Variants in ATAD2B observed in about 807,000 individuals in gnomAD.
ATAD2B encodes ATPase family AAA domain-containing protein 2B.
A neutral mutation model predicts 167.6 loss-of-function variants in ATAD2B; 40 were observed. The ratio of observed to expected loss-of-function variants is 0.24; its 90% CI spans 0.19 to 0.31. The LOEUF is 0.31. Among genes scored for constraint, ATAD2B ranks in the 10% least tolerant of loss-of-function variants. The pLI is 1.00. For missense variants in ATAD2B, 1,242 were observed against 1,757.2 expected, an observed-to-expected ratio of 0.71 and a Z score of 5.24; for synonymous variants, 579 against 596.5, an observed-to-expected ratio of 0.97 and a Z score of 0.43.
chr2:23,781,981 T>G (rs1192684920), intron 22 of ATAD2B, among the ~76,000 whole-genome samples: 3 of 152,102 alleles, frequency 2.0e-5, no homozygotes, highest in African/African-American at 7.2e-5. Context: ...ACACAGCTAA[T>G]TTTTGTAATT....
At chr2:23,775,167 G>C (rs987951752) in intron 22 of ATAD2B, among the ~76,000 whole-genome samples, 2 of 151,532 alleles carry the variant, frequency 1.3e-5, no homozygotes, top group Admixed American at 1.3e-4. Flanking sequence ...CATGAACTTA[G>C]CATTTTAGTA....
At chr2:23,734,128 A>G in the ATAD2B span, among the ~76,000 whole-genome samples, 5,863 of 152,226 alleles carry the variant, frequency 0.039, 111 homozygotes, top group Admixed American at 0.046. Context: ...TCACATTGCT[A>G]TAAGAGAATT....
intron 15 of ATAD2B, among the ~76,000 whole-genome samples, chr2:23,824,048 A>T (rs569881657): frequency 6.6e-6 from 1 of 152,300 alleles, no homozygotes. Flanking sequence ...TCCCAGCCTC[A>T]AGTGGTTCTC....
the ATAD2B span, among the ~76,000 whole-genome samples, chr2:23,686,672 G>A: frequency 6.6e-6 from 1 of 152,126 alleles, no homozygotes; most frequent in Non-Finnish European, 1.5e-5. Context: ...ATGAGCAGTT[G>A]ACCATCTGGT....
chr2:23,679,237 T>A, the ATAD2B span, among the ~76,000 whole-genome samples: 1 of 152,136 alleles, frequency 6.6e-6, no homozygotes, highest in Non-Finnish European at 1.5e-5. Context: ...CAGCCACTTA[T>A]TTAGATTGTG....
chr2:23,756,445 T>C (rs1377824923), intron 25 of ATAD2B, among the ~76,000 whole-genome samples: 1 of 152,126 alleles, frequency 6.6e-6, no homozygotes, highest in South Asian at 2.1e-4. Context: ...AGCTGTGTTC[T>C]CCACTCCACA....
intron 13 of ATAD2B, among the ~76,000 whole-genome samples, chr2:23,853,307 G>A (rs548050307): frequency 3.9e-5 from 6 of 152,214 alleles, no homozygotes; most frequent in Non-Finnish European, 8.8e-5. Context: ...TGCAGATAAG[G>A]TATATGTATA....
Position 23,757,547 on chromosome 2 carries a change from T to G in ATAD2B, c.3949A>C (p.Lys1317Gln), listed in dbSNP as rs758682808. 3.8e-6 allele frequency: 6 copies of G among 1,597,758 alleles called. No homozygotes were observed. The highest frequency in any genetic ancestry group is 5.1e-6 in the Non-Finnish European group (6 of 1,175,182). Residue 1317 changes from lysine to glutamine, a missense_variant, in exon 25 of 28, where the codon AAA becomes CAA. Physicochemically the swap from Lys to Gln is moderately conservative, Grantham distance 53. Around this residue, in one of 9 missense-constraint regions of ATAD2B, gnomAD observed 282 missense variants for 346.8 expected, o/e 0.81. Coordinates refer to ENST00000238789, the MANE Select transcript of ATAD2B (RefSeq NM_017552.4). The stretch of plus-strand genomic sequence containing the variant: ...TGATTTTCAGTCGAAGTTTCTGGTT[T>G]TTCTTTTGACTGGTCCTCCAGAAGA... ...KILLEDQSKE[K>Q]PETSTENHGD...
At chr2:23,893,195 A>G (rs1365258750) in intron 2 of ATAD2B, among the ~76,000 whole-genome samples, 1 of 152,132 alleles carries the variant, frequency 6.6e-6, no homozygotes, top group South Asian at 2.1e-4. Context: ...TAACTCTAAA[A>G]TGGAAATTTA....
At chr2:23,688,528 C>T in the ATAD2B span, among the ~76,000 whole-genome samples, 9 of 152,184 alleles carry the variant, frequency 5.9e-5, no homozygotes, top group Non-Finnish European at 1.3e-4. Flanking sequence ...TGCAAACATT[C>T]TAGTAGTTGG....
chr2:23,703,005 G>A, the ATAD2B span, among the ~76,000 whole-genome samples: 1 of 152,238 alleles, frequency 6.6e-6, no homozygotes, highest in African/African-American at 2.4e-5. Context: ...GGGCTAGTTT[G>A]GACGAGACCC....
At chr2:23,817,763 A>C (rs894694767) in intron 17 of ATAD2B, among the ~76,000 whole-genome samples, 2 of 152,216 alleles carry the variant, frequency 1.3e-5, no homozygotes, top group African/African-American at 4.8e-5. Context: ...TAGCTGTCTC[A>C]TTATTTAATC....
rs1351566989 is a variant in ATAD2B, at chr2:23,819,740, C to T, written c.2267+7G>A. On this transcript the variant is annotated splice_region_variant and intron_variant, in intron 17 of 27. Coordinates refer to ENST00000238789, the MANE Select transcript of ATAD2B (RefSeq NM_017552.4). ...AAATACAAAGAAAGTTGATATAAAT[C>T]ACTCACATTGTAAAATGAAGGTAGG... 6 of 1,584,524 alleles carry T rather than the reference C, an allele frequency of 3.8e-6. No individual in the cohort carries two copies. Among genetic ancestry groups the T allele is most frequent in the Non-Finnish European group, 4.3e-6 (5 of 1,164,136 alleles).
intron 23 of ATAD2B, among the ~76,000 whole-genome samples, chr2:23,763,226 T>C (rs968599316): frequency 6.6e-6 from 1 of 152,220 alleles, no homozygotes; most frequent in African/African-American, 2.4e-5. Context: ...TTATTCTTCC[T>C]TCACTTCACA....
At chr2:23,882,191 T>C (rs1397012595) in intron 6 of ATAD2B, among the ~76,000 whole-genome samples, 3 of 151,740 alleles carry the variant, frequency 2.0e-5, no homozygotes, top group Admixed American at 6.6e-5. Flanking sequence ...CAAGATTCCA[T>C]CTCTATTTTT....
chr2:23,703,502 G>A, the ATAD2B span: 4 of 1,078,972 alleles, frequency 3.7e-6, no homozygotes, highest in Non-Finnish European at 5.2e-6. Flanking sequence ...AGATCTAGAG[G>A]GTGGCAGGAG....
At chr2:23,779,449 A>G (rs1679670906) in intron 22 of ATAD2B, among the ~76,000 whole-genome samples, 1 of 152,094 alleles carries the variant, frequency 6.6e-6, no homozygotes, top group Non-Finnish European at 1.5e-5. Context: ...TGCTGGGATT[A>G]CAGGCATGAA....
intron 1 of ATAD2B, among the ~76,000 whole-genome samples, chr2:23,926,078 C>T (rs1704745791): frequency 6.6e-6 from 1 of 152,222 alleles, no homozygotes; most frequent in African/African-American, 2.4e-5. Context: ...GCTCTCTGTT[C>T]ACTTCCTCAC....
chr2:23,910,108 C>T (rs1702059867), intron 1 of ATAD2B, among the ~76,000 whole-genome samples: 1 of 151,744 alleles, frequency 6.6e-6, no homozygotes, highest in African/African-American at 2.4e-5. Flanking sequence ...AAGTGATCCT[C>T]CAACCTTGGC....
Sources: gnomAD v4.1 joint callset for allele counts (sites outside exome capture counted in the v4.1 genomes callset) on GRCh38, gnomAD v4.1.1 for gene constraint, gnomAD v4.1.1 regional missense constraint, MANE v1.5 for transcripts, NCBI Gene and HGNC (gene_info 2026-07-23, HGNC 2026-07-21) for gene names.